Variants in STX12 observed in about 807,000 individuals in gnomAD.
STX12 encodes the protein syntaxin 12, also known as syntaxin-12.
STX12 carries 17 observed loss-of-function variants against 42.2 expected under a neutral mutation model. The ratio of observed to expected loss-of-function variants is 0.40; its 90% CI spans 0.28 to 0.60. STX12 has a LOEUF of 0.60. Ranked by LOEUF, STX12 falls within the 20% of genes least tolerant of loss-of-function variation. The pLI is 0.39. For synonymous variants in STX12, 108 were observed against 116.7 expected (o/e 0.93, Z 0.48); for missense variants, 297 against 330.9 (o/e 0.90, Z 0.79).
chr1:27,784,283 T>C (rs1443798479), intron 1 of STX12, among the ~76,000 whole-genome samples: 1 of 152,188 alleles, frequency 6.6e-6, no homozygotes, highest in Non-Finnish European at 1.5e-5. Context: ...TGCAGTGGCA[T>C]GATCATAGCT....
intron 8 of STX12, among the ~76,000 whole-genome samples, chr1:27,821,358 G>T (rs987621388): frequency 2.6e-5 from 4 of 152,076 alleles, no homozygotes; most frequent in African/African-American, 9.7e-5. Flanking sequence ...ACTCATTGTT[G>T]CATATGGGAA....
intron 8 of STX12, chr1:27,820,102 G>A (rs983405637): frequency 3.1e-5 from 5 of 160,502 alleles, no homozygotes; most frequent in Non-Finnish European, 5.5e-5. Flanking sequence ...TGTTGCCATA[G>A]AGGATGGACA....
Position 27,819,963 on chromosome 1 carries a change from C to G in STX12, c.732+231C>G, listed in dbSNP as rs1052016940. 2.9e-5 allele frequency: 12 copies of G among 413,906 alleles called. No individual in the cohort carries two copies. The East Asian group carries it at 4.7e-4, about 16-fold the overall frequency. 25.6% of individuals were successfully genotyped at this position (413,906 alleles called of 1,614,324 possible). A position where few individuals can be genotyped will look rare whatever the true frequency, so the allele number is the denominator to read the frequency against. On this transcript the variant is annotated intron_variant, in intron 8 of 8. Coordinates refer to ENST00000373943, the MANE Select transcript of STX12 (RefSeq NM_177424.3). ...GAAGGCTAGTAACTGCAAAGCTAACCCTATACACTAATATGATACCTAAAT... is the reference window on the plus strand; with the variant it reads ...GAAGGCTAGTAACTGCAAAGCTAACGCTATACACTAATATGATACCTAAAT...
chr1:27,780,958 C>CA (rs879665386), intron 1 of STX12, among the ~76,000 whole-genome samples: 50 of 138,028 alleles, frequency 3.6e-4, no homozygotes, highest in South Asian at 4.7e-4. Flanking sequence ...GACCCTGTCT[C>CA]AAAAAAAAAA....
chr1:27,809,697 A>T (rs569231506), intron 4 of STX12, among the ~76,000 whole-genome samples: 4 of 152,000 alleles, frequency 2.6e-5, no homozygotes, highest in Admixed American at 1.3e-4. Flanking sequence ...TGACCTTGTG[A>T]TCTGCCCACC....
At chr1:27,787,531 C>T (rs868038183) in intron 1 of STX12, among the ~76,000 whole-genome samples, 1 of 151,958 alleles carries the variant, frequency 6.6e-6, no homozygotes, top group Admixed American at 6.6e-5. Flanking sequence ...TGGTGGCACA[C>T]GCCTGTAATC....
At chr1:27,820,988 C>T (rs2088979563) in intron 8 of STX12, among the ~76,000 whole-genome samples, 2 of 137,660 alleles carry the variant, frequency 1.5e-5, no homozygotes, top group African/African-American at 5.5e-5. Flanking sequence ...AACACATGGA[C>T]ACAGGAAGGG....
chr1:27,811,493 G>A (rs2088903624), intron 5 of STX12, among the ~76,000 whole-genome samples: 1 of 152,036 alleles, frequency 6.6e-6, no homozygotes, highest in South Asian at 2.1e-4. Context: ...TCTGTTAAGA[G>A]GGTTTTTTAT....
At chr1:27,812,442 T>G (rs2088909442) in intron 6 of STX12, among the ~76,000 whole-genome samples, 174 bp downstream of exon 6, 1 of 139,386 alleles carries the variant, frequency 7.2e-6, no homozygotes, top group African/African-American at 3.4e-5. Context: ...CGGTTTTTTT[T>G]GTTTTTTTTT....
chr1:27,777,509 C>T (rs990969015), intron 1 of STX12, among the ~76,000 whole-genome samples: 5 of 152,164 alleles, frequency 3.3e-5, no homozygotes, highest in South Asian at 2.1e-4. Flanking sequence ...TGAGGCATTT[C>T]TACCATTTTG....
At chr1:27,802,170 C>T (rs1026311764) in intron 4 of STX12, 2 of 156,356 alleles carry the variant, frequency 1.3e-5, no homozygotes, top group Non-Finnish European at 2.8e-5. Context: ...TTTTCAAATA[C>T]TGGATTTTAA....
intron 3 of STX12, among the ~76,000 whole-genome samples, chr1:27,798,673 C>T (rs1177523653): frequency 1.4e-5 from 2 of 141,244 alleles, no homozygotes; most frequent in Non-Finnish European, 3.0e-5. Context: ...AATCGCGCCA[C>T]TGCACTGCAG....
chr1:27,804,661 A>G (rs984259255), intron 4 of STX12, among the ~76,000 whole-genome samples: 1 of 151,728 alleles, frequency 6.6e-6, no homozygotes, highest in African/African-American at 2.4e-5. Context: ...AATATAAAAA[A>G]TTAGCCGGGC....
At chr1:27,794,696 G>A (rs2088772759) in intron 3 of STX12, among the ~76,000 whole-genome samples, 1 of 151,910 alleles carries the variant, frequency 6.6e-6, no homozygotes, top group Admixed American at 6.6e-5. Context: ...TATACCATTC[G>A]TGGGGGCACT....
intron 4 of STX12, among the ~76,000 whole-genome samples, chr1:27,809,463 T>C (rs1430084944): frequency 2.0e-5 from 3 of 147,770 alleles, no homozygotes; most frequent in Non-Finnish European, 3.0e-5. Context: ...ATATACTCTT[T>C]TTTTTTTTTT....
chr1:27,786,175 A>G lies in STX12; in HGVS notation c.119-3387A>G, dbSNP rs1310775161. On this transcript the variant is annotated intron_variant, in intron 1 of 8. Transcript: ENST00000373943. ...ATAATTGTTTGCAAGGCCCTATACA[A>G]TCTGGGTCCCTACTACCTCCTTGGC... is the stretch of plus-strand genomic sequence containing the variant. Among the ~76,000 whole-genome samples, 3 of 152,230 alleles carry G rather than the reference A, an allele frequency of 2.0e-5. No individual in the cohort carries two copies. In the East Asian group the frequency reaches 5.8e-4, roughly 29 times the overall value.
chr1:27,794,751 G>T (rs1386372908), intron 3 of STX12, among the ~76,000 whole-genome samples: 2 of 152,022 alleles, frequency 1.3e-5, no homozygotes, highest in Non-Finnish European at 2.9e-5. Context: ...TTGAGATAGG[G>T]TATTACTCTG....
At chr1:27,799,212 C>T (rs1481082432) in intron 3 of STX12, among the ~76,000 whole-genome samples, 1 of 152,128 alleles carries the variant, frequency 6.6e-6, no homozygotes. Context: ...TCTCTTTCCC[C>T]ACCACCAGTC....
intron 6 of STX12, among the ~76,000 whole-genome samples, chr1:27,812,930 G>A (rs1266705601): frequency 2.0e-5 from 3 of 152,118 alleles, no homozygotes; most frequent in Non-Finnish European, 4.4e-5. Context: ...GCCAACCTCC[G>A]GGTTAGGCAG....
Sources: gnomAD v4.1 joint callset for allele counts (sites outside exome capture counted in the v4.1 genomes callset) on GRCh38, gnomAD v4.1.1 for gene constraint, MANE v1.5 for transcripts, NCBI Gene and HGNC (gene_info 2026-07-23, HGNC 2026-07-21) for gene names.